CFAP47: variants seen among roughly 807,000 people sequenced by gnomAD.
The protein encoded by CFAP47 is cilia and flagella associated protein 47, also known as cilia- and flagella-associated protein 47.
In CFAP47, 29 loss-of-function variants were observed where a neutral mutation model predicts 148.1. The observed-to-expected ratio is 0.20, with a 90% confidence interval of 0.15 to 0.27. CFAP47 has a LOEUF of 0.27. CFAP47 is among the 10% of genes least tolerant of loss of function. The pLI, the probability that CFAP47 is intolerant of heterozygous loss-of-function variation, is 1.00. For synonymous variants in CFAP47, 664 were observed against 577.3 expected (o/e 1.15, Z -2.15); for missense variants, 1,872 against 1,697.5 (o/e 1.10, Z -1.81).
chrX:35,920,047 A>G lies in CFAP47; in HGVS notation c.248A>G (p.Gln83Arg). ...KIRFKEPVKP[Q>R]FKLMLTSLDK... ...CGATTTAAGGAGCCCGTCAAGCCAC[A>G]GGTGACACACTAAGGGGTGCTGGGA... Residue 83 changes from glutamine (Q) to arginine (R), a missense_variant and splice_region_variant, in exon 1 of 64, where the codon CAG becomes CGG. Physicochemically the swap from Gln to Arg is conservative, Grantham distance 43 (BLOSUM62 1). Transcript: ENST00000378653. 1 of 1,185,028 alleles carries G rather than the reference A, an allele frequency of 8.4e-7. No individual in the cohort carries two copies. The highest frequency in any genetic ancestry group is 1.9e-5 in the South Asian group (1 of 52,257).
intron 39 of CFAP47, among the ~76,000 whole-genome samples, chrX:36,163,205 C>T (rs1939450391): frequency 8.9e-6 from 1 of 111,891 alleles, no homozygotes; most frequent in Non-Finnish European, 1.9e-5. Flanking sequence ...AGAGTATTCC[C>T]TTATAATCCT....
intron 21 of CFAP47, among the ~76,000 whole-genome samples, chrX:36,003,601 A>G (rs1936941764): frequency 9.1e-6 from 1 of 110,369 alleles, no homozygotes; most frequent in East Asian, 2.8e-4. Flanking sequence ...TTAATTTTAA[A>G]CTAGGTATTG....
At chrX:35,923,411 G>T (rs775230467) in intron 1 of CFAP47, among the ~76,000 whole-genome samples, 2 of 110,952 alleles carry the variant, frequency 1.8e-5, no homozygotes, top group Non-Finnish European at 3.8e-5. Context: ...TATTTTTCCT[G>T]GCATCTAGCA....
At chrX:36,328,368 A>C (rs1397807438) in intron 57 of CFAP47, among the ~76,000 whole-genome samples, 1 of 112,265 alleles carries the variant, frequency 8.9e-6, no homozygotes, top group Admixed American at 9.4e-5. Context: ...AATATTGTTA[A>C]AATGGCAATG....
At chrX:36,102,153 C>T (rs767522857) in intron 32 of CFAP47, among the ~76,000 whole-genome samples, 1 of 111,498 alleles carries the variant, frequency 9.0e-6, no homozygotes, top group Non-Finnish European at 1.9e-5. Context: ...AAAGATAATT[C>T]GAAACAATGT....
intron 39 of CFAP47, among the ~76,000 whole-genome samples, chrX:36,167,838 T>C (rs770270567): frequency 1.6e-3 from 181 of 112,119 alleles, no homozygotes; most frequent in South Asian, 0.011. Flanking sequence ...TGTTTAAAGA[T>C]TTTTCTTAAT....
intron 30 of CFAP47, among the ~76,000 whole-genome samples, chrX:36,095,159 T>G (rs756620455): frequency 8.9e-6 from 1 of 111,952 alleles, no homozygotes; most frequent in Non-Finnish European, 1.9e-5. Flanking sequence ...TTTATTCTGT[T>G]GATGATGTGT....
chrX:36,137,286 G>T (rs950470339), intron 33 of CFAP47, among the ~76,000 whole-genome samples: 2 of 111,133 alleles, frequency 1.8e-5, no homozygotes, highest in African/African-American at 3.3e-5. Context: ...AGAAAATGTC[G>T]CATTCAACAT....
rs34621358 is a variant in CFAP47 at position 36,070,496 on chromosome X, CT to C, written c.4319-1310del. ...CAAAATTAGCTTTCTTTTTCTTTTC[CT>C]TTTTTTTTTTTTTTTTTTGAAACAA... On this transcript the variant is annotated intron_variant, in intron 27 of 63. Coordinates refer to ENST00000378653, the MANE Select transcript of CFAP47 (RefSeq NM_001304548.2). 9.5e-3 allele frequency among the ~76,000 whole-genome samples: 865 copies of C among 91,147 alleles called. 5 individuals carry two copies. Among genetic ancestry groups the C allele is most frequent in the African/African-American group, 0.028 (691 of 24,977 alleles). 79.2% of individuals were successfully genotyped at this position (91,147 alleles called of 115,157 possible).
chrX:35,993,322 G>A lies in CFAP47; in HGVS notation c.3099+1G>A. 3.4e-6 allele frequency: 1 copy of A among 292,136 alleles called. No homozygotes were observed. The highest frequency in any genetic ancestry group is 9.0e-4 in the Middle Eastern group (1 of 1,106). 24.1% of individuals were successfully genotyped at this position (292,136 alleles called of 1,213,427 possible). A position where few individuals can be genotyped will look rare whatever the true frequency, so the allele number is the denominator to read the frequency against. On this transcript the variant is annotated splice_donor_variant, in intron 18 of 63. Coordinates refer to ENST00000378653, the MANE Select transcript of CFAP47 (RefSeq NM_001304548.2). LOFTEE classifies it high-confidence loss of function. ...AGAAAAGTTTGATACAAGAGCAAAG[G>A]TATGTCCATACATATGAGTTTTTGC...
At chrX:35,946,562 ATAT>A (rs1239183557) in intron 3 of CFAP47, among the ~76,000 whole-genome samples, 3 of 112,206 alleles carry the variant, frequency 2.7e-5, no homozygotes, top group Non-Finnish European at 3.8e-5. Flanking sequence ...TTAACTTCAA[ATAT>A]TATGCTGTTA....
chrX:36,172,038 G>A (rs1465967971), intron 39 of CFAP47, among the ~76,000 whole-genome samples: 2 of 109,647 alleles, frequency 1.8e-5, no homozygotes, highest in Admixed American at 9.8e-5. Context: ...GAATTCCTAG[G>A]TATTTTATTC....
chrX:36,222,144 G>C (rs1294278270), intron 45 of CFAP47, among the ~76,000 whole-genome samples: 1 of 111,751 alleles, frequency 8.9e-6, no homozygotes, highest in Non-Finnish European at 1.9e-5. Flanking sequence ...ATACCAGTCT[G>C]CCCTGCTGGC....
intron 26 of CFAP47, among the ~76,000 whole-genome samples, chrX:36,049,899 G>T (rs1937510784): frequency 1.8e-5 from 2 of 111,278 alleles, no homozygotes; most frequent in African/African-American, 3.3e-5. Flanking sequence ...AATAATGGGG[G>T]TGAGTTATCC....
At chrX:36,383,250 C>G (rs1380241412) in intron 63 of CFAP47, among the ~76,000 whole-genome samples, 3 of 111,741 alleles carry the variant, frequency 2.7e-5, no homozygotes, top group Non-Finnish European at 5.6e-5. Context: ...TTCAAAGTGT[C>G]TTGGCGAAGG....
chrX:35,968,424 G>C (rs1429771251), intron 10 of CFAP47, among the ~76,000 whole-genome samples: 1 of 111,555 alleles, frequency 9.0e-6, no homozygotes, highest in Admixed American at 9.6e-5. Context: ...TTTTCCAATG[G>C]TTAGTGAGAA....
intron 1 of CFAP47, among the ~76,000 whole-genome samples, chrX:35,925,551 T>C (rs141618744): frequency 0.024 from 2,725 of 112,171 alleles, 91 homozygotes; most frequent in African/African-American, 0.083. Context: ...CAATTATTTG[T>C]CAATTAAAAA....
At chrX:36,283,733 G>A (rs960740360) in intron 50 of CFAP47, among the ~76,000 whole-genome samples, 2 of 111,659 alleles carry the variant, frequency 1.8e-5, no homozygotes, top group Non-Finnish European at 3.8e-5. Flanking sequence ...TGTCTTTCTC[G>A]CTCTTCTTTA....
chrX:35,952,737 T>C (rs1345354581), intron 6 of CFAP47, among the ~76,000 whole-genome samples: 1 of 112,145 alleles, frequency 8.9e-6, no homozygotes, highest in Non-Finnish European at 1.9e-5. Context: ...TTATTAATGA[T>C]ACCTTCATAC....
Sources: allele counts gnomAD v4.1 joint callset (sites outside exome capture counted in the v4.1 genomes callset), GRCh38; gene constraint gnomAD v4.1.1; transcripts MANE v1.5; gene names NCBI Gene and HGNC (gene_info 2026-07-23, HGNC 2026-07-21).